The following RASGRP2 variants were observed in gnomAD, a reference collection of about 807,000 sequenced individuals.
RASGRP2 encodes RAS guanyl releasing protein 2, also known as RAS guanyl-releasing protein 2.
In RASGRP2, 44 loss-of-function variants were observed where a neutral mutation model predicts 71.0. That is an observed-to-expected ratio of 0.62 (90% CI 0.49 to 0.80). The LOEUF (loss-of-function observed/expected upper bound fraction) is 0.80, where lower values mean the gene tolerates loss of function less well. Among genes scored for constraint, RASGRP2 ranks in the 30% least tolerant of loss-of-function variants. The pLI is 0.00. For missense variants in RASGRP2, 663 were observed against 813.4 expected (o/e 0.82, Z 2.25); for synonymous variants, 350 against 330.7 (o/e 1.06, Z -0.63).
chr11:64,740,397 G>A (rs2058084222), intron 5 of RASGRP2: 1 of 688,678 alleles, frequency 1.5e-6, no homozygotes, highest in Non-Finnish European at 2.7e-6. Flanking sequence ...TAGGCGCTGG[G>A]AATACAGAGA....
Position 64,742,119 on chromosome 11 carries a change from C to T in RASGRP2, c.74-7G>A. ...CGCACCTTCCCGGAGTCATCTGACT[C>T]CGAAGGGTCAAAGACAGGTGGCTGA... On this transcript the variant is annotated splice_polypyrimidine_tract_variant and splice_region_variant and intron_variant, in intron 2 of 16. Coordinates refer to ENST00000394432, the MANE Select transcript of RASGRP2 (RefSeq NM_001098671.2). The surrounding 1 kb of genome is among the most constrained non-coding windows in gnomAD (Gnocchi z 4.7). The T allele has an allele frequency of 1.9e-6, 3 of 1,578,294 alleles. No individual in the cohort carries two copies. The highest frequency in any genetic ancestry group is 1.7e-6 in the Non-Finnish European group (2 of 1,162,182).
chr11:64,734,013 C>G (rs1303497584), intron 12 of RASGRP2, among the ~76,000 whole-genome samples: 1 of 151,380 alleles, frequency 6.6e-6, no homozygotes, highest in African/African-American at 2.4e-5. Flanking sequence ...CACCCATGCC[C>G]AAAAAAAATT....
Position 64,742,004 on chromosome 11 carries a change from G to A in RASGRP2, c.176+6C>T, listed in dbSNP as rs1271992639. Reference sequence around the variant, plus strand: ...CGGGGGCCTTGGCAAGGCCGGCGAAGGATATATGTGGAGCAGCTTGGCCGC... The same window carrying A: ...CGGGGGCCTTGGCAAGGCCGGCGAAAGATATATGTGGAGCAGCTTGGCCGC... On this transcript the variant is annotated splice_donor_region_variant and intron_variant, in intron 3 of 16. Transcript: ENST00000394432. This position sits in a 1 kb window ranked among gnomAD's most constrained non-coding sequence, Gnocchi z 4.7. The A allele has an allele frequency of 1.9e-6, 3 of 1,605,092 alleles. No individual in the cohort carries two copies. The highest frequency in any genetic ancestry group is 1.1e-5 in the South Asian group (1 of 89,936).
In RASGRP2 at chr11:64,742,584, G is replaced by T; in HGVS notation, c.73+210C>A. 1 of 668,838 alleles carries T rather than the reference G, an allele frequency of 1.5e-6. No individual in the cohort carries two copies. The highest frequency in any genetic ancestry group is 1.9e-5 in the South Asian group (1 of 53,664). The allele number at this position is 668,838 out of a possible 1,614,324, so 41.4% of individuals were successfully genotyped here. On this transcript the variant is annotated intron_variant, in intron 2 of 16. Coordinates refer to ENST00000394432, the MANE Select transcript of RASGRP2 (RefSeq NM_001098671.2). This position sits in a 1 kb window ranked among gnomAD's most constrained non-coding sequence, Gnocchi z 4.7. ...CGGCCCTCCCTTCGCCGCCGCTGGG[G>T]AAGGCTAGAGAAGGGAAACCTCATC... is the stretch of plus-strand genomic sequence containing the variant.
chr11:64,742,727 G>C lies in RASGRP2; in HGVS notation c.73+67C>G. The C allele has an allele frequency of 1.3e-6, 2 of 1,553,368 alleles. No individual in the cohort carries two copies. Among genetic ancestry groups the C allele is most frequent in the Non-Finnish European group, 1.7e-6 (2 of 1,147,934 alleles). ...GGGCTGTGCCCTGGACTGTGCCTGG[G>C]AGGCAGGGACCCGGGCTCAGACTCG... On this transcript the variant is annotated intron_variant, in intron 2 of 16. Coordinates refer to ENST00000394432, the MANE Select transcript of RASGRP2 (RefSeq NM_001098671.2). This position sits in a 1 kb window ranked among gnomAD's most constrained non-coding sequence, Gnocchi z 4.7.
rs1365389294 is a variant in RASGRP2, at chr11:64,743,154, G to A, written c.-71-217C>T. 4.7e-6 allele frequency: 3 copies of A among 634,864 alleles called. No individual in the cohort carries two copies. The highest frequency in any genetic ancestry group is 1.8e-5 in the African/African-American group (1 of 55,590). 39.3% of individuals were successfully genotyped at this position (634,864 alleles called of 1,614,324 possible). On this transcript the variant is annotated intron_variant, in intron 1 of 16. Coordinates refer to ENST00000394432, the MANE Select transcript of RASGRP2 (RefSeq NM_001098671.2). This position sits in a 1 kb window ranked among gnomAD's most constrained non-coding sequence, Gnocchi z 4.9. ...AGGCTTCCGGCCCACCCTCGGAGTC[G>A]CGGGAAGGCCGAGGGGCTTCACGAG...
intron 15 of RASGRP2, among the ~76,000 whole-genome samples, chr11:64,728,438 T>A (rs955926150): frequency 2.6e-5 from 4 of 152,080 alleles, no homozygotes; most frequent in African/African-American, 7.2e-5. Flanking sequence ...TTTATTTTTT[T>A]TTTTTCTGAG....
rs766081691 is a variant in RASGRP2, at chr11:64,735,875, G to A, written c.1173+28C>T. Reference sequence around the variant, plus strand: ...CTGGGATTCTCAGGAGGGAAGGGCAGAGTGGAGAGGAGGGAGTACCCCCTC... The same window carrying A: ...CTGGGATTCTCAGGAGGGAAGGGCAAAGTGGAGAGGAGGGAGTACCCCCTC... On this transcript the variant is annotated intron_variant, in intron 10 of 16. Transcript: ENST00000394432. This position sits in a 1 kb window ranked among gnomAD's most constrained non-coding sequence, Gnocchi z 4.2. The A allele has an allele frequency of 1.2e-5, 20 of 1,602,452 alleles. No individual in the cohort carries two copies. In the South Asian group the frequency reaches 1.4e-4, roughly 12 times the overall value.
At chr11:64,734,603 C>CTTTAAA (rs1243488429) in intron 12 of RASGRP2, among the ~76,000 whole-genome samples, 2 of 152,044 alleles carry the variant, frequency 1.3e-5, no homozygotes, top group East Asian at 3.9e-4. Context: ...CTGAGATGGA[C>CTTTAAA]TTTAAATTTT....
chr11:64,743,744 C>T lies in RASGRP2; in HGVS notation c.-72+259G>A, dbSNP rs2058221300. 3.2e-6 allele frequency: 1 copy of T among 313,992 alleles called. No homozygotes were observed. Among genetic ancestry groups the T allele is most frequent in the Non-Finnish European group, 6.2e-6 (1 of 161,760 alleles). The allele number at this position is 313,992 out of a possible 1,614,324, so 19.5% of individuals were successfully genotyped here. A position where few individuals can be genotyped will look rare whatever the true frequency, so the allele number is the denominator to read the frequency against. ...ACGGAGCAGGGTGTCCAGAGGGGGGCGCTCGCGCCAAGGGTGGCCGGTGGG... is the reference window on the plus strand; with the variant it reads ...ACGGAGCAGGGTGTCCAGAGGGGGGTGCTCGCGCCAAGGGTGGCCGGTGGG... On this transcript the variant is annotated intron_variant, in intron 1 of 16. Transcript: ENST00000394432. The surrounding 1 kb of genome is among the most constrained non-coding windows in gnomAD (Gnocchi z 4.9).
chr11:64,734,071 G>T (rs11231863), intron 12 of RASGRP2, among the ~76,000 whole-genome samples: 4 of 151,738 alleles, frequency 2.6e-5, no homozygotes, highest in Non-Finnish European at 5.9e-5. Flanking sequence ...TAGCACTTTG[G>T]GGGGCCAAGG....
At chr11:64,729,709 C>CA (rs1197020174) in intron 14 of RASGRP2, 53 bp downstream of exon 14, 4 of 1,592,460 alleles carry the variant, frequency 2.5e-6, no homozygotes, top group East Asian at 2.3e-5. Context: ...CCCAAACAAA[C>CA]AAACAAAAAA....
intron 14 of RASGRP2, 72 bp from the exon 15 acceptor site, chr11:64,729,114 G>C: frequency 2.7e-6 from 4 of 1,475,072 alleles, no homozygotes; most frequent in Non-Finnish European, 3.7e-6. Flanking sequence ...CCGCAGGCTT[G>C]TGCCCCCCTA....
chr11:64,743,066 C>T lies in RASGRP2; in HGVS notation c.-71-129G>A, dbSNP rs1306736570. On this transcript the variant is annotated intron_variant, in intron 1 of 16. Transcript: ENST00000394432. This position sits in a 1 kb window ranked among gnomAD's most constrained non-coding sequence, Gnocchi z 4.9. ...GCGGAGTTGTCCCCCGCGGCCACTC[C>T]CGGGGTTAAACGGTCTGGCCCGGGA... 1 of 1,089,446 alleles carries T rather than the reference C, an allele frequency of 9.2e-7. No individual in the cohort carries two copies. The highest frequency in any genetic ancestry group is 1.3e-6 in the Non-Finnish European group (1 of 741,980). 67.5% of individuals were successfully genotyped at this position (1,089,446 alleles called of 1,614,324 possible). A position where few individuals can be genotyped will look rare whatever the true frequency, so the allele number is the denominator to read the frequency against.
Position 64,743,124 on chromosome 11 carries a change from C to T in RASGRP2, c.-71-187G>A. On this transcript the variant is annotated intron_variant, in intron 1 of 16. Transcript: ENST00000394432. This position sits in a 1 kb window ranked among gnomAD's most constrained non-coding sequence, Gnocchi z 4.9. The stretch of plus-strand genomic sequence containing the variant: ...ACCCGCCAGTTGGGAAACGGACCCG[C>T]AGAGAGGCTTCCGGCCCACCCTCGG... The T allele has an allele frequency of 1.4e-6, 1 of 699,608 alleles. No homozygotes were observed. The highest frequency in any genetic ancestry group is 2.9e-5 in the East Asian group (1 of 34,660). The allele number at this position is 699,608 out of a possible 1,614,324, so 43.3% of individuals were successfully genotyped here. A position where few individuals can be genotyped will look rare whatever the true frequency, so the allele number is the denominator to read the frequency against.
At chr11:64,732,881 C>T (rs769761743) in intron 12 of RASGRP2, among the ~76,000 whole-genome samples, 10 of 150,276 alleles carry the variant, frequency 6.7e-5, no homozygotes, top group Admixed American at 1.3e-4. Context: ...ACCCGGGAGG[C>T]GGAGGTTGCA....
At chr11:64,741,376 C>T in intron 4 of RASGRP2, 63 bp downstream of exon 4, 1 of 1,472,550 alleles carries the variant, frequency 6.8e-7, no homozygotes, top group Non-Finnish European at 9.3e-7. Flanking sequence ...CTCCTCCAGG[C>T]CAGCCTGAAG....
rs2057917975 is a variant in RASGRP2 at position 64,735,860 on chromosome 11, C to T, written c.1173+43G>A. ...TCCCATCCTCACATCCTGGGATTCT[C>T]AGGAGGGAAGGGCAGAGTGGAGAGG... is the stretch of plus-strand genomic sequence containing the variant. On this transcript the variant is annotated intron_variant, in intron 10 of 16. Transcript: ENST00000394432. This position sits in a 1 kb window ranked among gnomAD's most constrained non-coding sequence, Gnocchi z 4.2. 6.3e-7 allele frequency: 1 copy of T among 1,587,904 alleles called. No individual in the cohort carries two copies.
chr11:64,730,265 C>G (rs974017443), intron 12 of RASGRP2, 71 bp from the exon 13 acceptor site: 1 of 1,538,528 alleles, frequency 6.5e-7, no homozygotes, highest in African/African-American at 1.4e-5. Context: ...CTAACCCATC[C>G]CACTGTTCCC....
Sources: gnomAD v4.1 joint callset for allele counts (sites outside exome capture counted in the v4.1 genomes callset) on GRCh38, gnomAD v4.1.1 for gene constraint, Gnocchi (gnomAD v3.1) non-coding constraint, MANE v1.5 for transcripts, NCBI Gene and HGNC (gene_info 2026-07-23, HGNC 2026-07-21) for gene names.